Variants in PDE4D observed in about 807,000 individuals in gnomAD.
The protein encoded by PDE4D is 3',5'-cyclic-AMP phosphodiesterase 4D.
Under a neutral mutation model 87.4 loss-of-function variants are expected in PDE4D, and 24 were observed. That is an observed-to-expected ratio of 0.27 (90% CI 0.20 to 0.39). The LOEUF (loss-of-function observed/expected upper bound fraction) is 0.39, where lower values mean the gene tolerates loss of function less well. PDE4D is among the 10% of genes least tolerant of loss of function. The pLI, the probability that PDE4D is intolerant of heterozygous loss-of-function variation, is 1.00. For synonymous variants in PDE4D, 384 were observed against 383.2 expected (o/e 1.00, Z -0.02); for missense variants, 714 against 1,041.0 (o/e 0.69, Z 4.32).
At chr5:59,187,489 C>A (rs28705844) in intron 3 of PDE4D, among the ~76,000 whole-genome samples, 36,919 of 151,986 alleles carry the variant, frequency 0.24, 4,743 homozygotes, top group African/African-American at 0.3. Context: ...ATACTGATAA[C>A]TGTTCTATTT....
chr5:59,960,943 T>C (rs189147723), intron 3 of PDE4D, among the ~76,000 whole-genome samples: 19 of 152,324 alleles, frequency 1.2e-4, no homozygotes, highest in Admixed American at 3.9e-4. Context: ...TAAATTGCAG[T>C]GCTCTAAGTA....
At chr5:60,086,636 A>G (rs188468382) in intron 2 of PDE4D, among the ~76,000 whole-genome samples, 72 of 152,388 alleles carry the variant, frequency 4.7e-4, no homozygotes, top group Middle Eastern at 3.4e-3. Context: ...GTTATAAAGT[A>G]AATGATTTGC....
At chr5:59,511,680 T>C (rs999444254) in intron 1 of PDE4D, among the ~76,000 whole-genome samples, 1 of 152,046 alleles carries the variant, frequency 6.6e-6, no homozygotes, top group Non-Finnish European at 1.5e-5. Flanking sequence ...ATGTTGCTTT[T>C]TTCACTTTGA....
chr5:59,180,292 G>T (rs906918954), intron 5 of PDE4D: 6 of 533,298 alleles, frequency 1.1e-5, no homozygotes, highest in African/African-American at 1.9e-5. Context: ...AATGGGAAGT[G>T]ACTTGAAAGT....
At chr5:59,633,017 A>T (rs1168094890) in intron 1 of PDE4D, among the ~76,000 whole-genome samples, 1 of 152,206 alleles carries the variant, frequency 6.6e-6, no homozygotes, top group African/African-American at 2.4e-5. Context: ...GCTAACTAGA[A>T]TAACCAGTTT....
At chr5:60,114,606 G>C (rs1043010854) in intron 2 of PDE4D, among the ~76,000 whole-genome samples, 1 of 151,998 alleles carries the variant, frequency 6.6e-6, no homozygotes, top group Non-Finnish European at 1.5e-5. Flanking sequence ...ATATACTAAA[G>C]AAAAACCAAA....
chr5:59,805,056 G>A (rs1189067160), intron 1 of PDE4D, among the ~76,000 whole-genome samples: 2 of 152,178 alleles, frequency 1.3e-5, no homozygotes, highest in African/African-American at 4.8e-5. Flanking sequence ...GTCTCCCAAA[G>A]TGCTGAGATT....
chr5:59,141,864 A>G (rs1001745237), intron 5 of PDE4D, among the ~76,000 whole-genome samples: 2 of 152,188 alleles, frequency 1.3e-5, no homozygotes, highest in South Asian at 2.1e-4. Context: ...TCTTGCAGTT[A>G]TAGCTTCAGG....
intron 1 of PDE4D, among the ~76,000 whole-genome samples, chr5:60,342,030 C>T (rs563069804): frequency 3.5e-4 from 54 of 152,282 alleles, no homozygotes; most frequent in South Asian, 2.3e-3. Context: ...ATGTTTGCTT[C>T]CTTGGAACAA....
intron 1 of PDE4D, among the ~76,000 whole-genome samples, chr5:60,330,372 T>G (rs895725479): frequency 6.6e-6 from 1 of 152,050 alleles, no homozygotes; most frequent in Non-Finnish European, 1.5e-5. Flanking sequence ...GCCCAAACAA[T>G]TAAGTGTACA....
intron 2 of PDE4D, among the ~76,000 whole-genome samples, chr5:60,046,949 C>T (rs1327149753): frequency 1.2e-4 from 18 of 152,208 alleles, no homozygotes; most frequent in Admixed American, 5.2e-4. Context: ...ATGGTACCAG[C>T]TCCTCCTTGT....
At chr5:60,266,756 T>C (rs1436883508) in intron 1 of PDE4D, among the ~76,000 whole-genome samples, 2 of 152,246 alleles carry the variant, frequency 1.3e-5, no homozygotes, top group African/African-American at 2.4e-5. Flanking sequence ...ACACCCAAGT[T>C]ATACCCATCT....
intron 1 of PDE4D, among the ~76,000 whole-genome samples, chr5:59,644,762 T>C (rs776551992): frequency 2.0e-5 from 3 of 152,216 alleles, no homozygotes; most frequent in Non-Finnish European, 4.4e-5. Flanking sequence ...TCTCGAGGAC[T>C]ATGCCGAAAA....
Position 59,496,114 on chromosome 5 carries a change from G to A in PDE4D, c.456-280146C>T, listed in dbSNP as rs182106051. 4.4e-3 allele frequency among the ~76,000 whole-genome samples: 667 copies of A among 152,236 alleles called. 3 individuals carry two copies. Among genetic ancestry groups the A allele is most frequent in the African/African-American group, 0.015 (616 of 41,540 alleles). ...TATCAGCAGATGGGGGAGCCAGAAGGGAGATGGTTTCCCCCTGGAGTCCAG... is the reference window on the plus strand; with the variant it reads ...TATCAGCAGATGGGGGAGCCAGAAGAGAGATGGTTTCCCCCTGGAGTCCAG... On this transcript the variant is annotated intron_variant, in intron 1 of 14. Transcript: ENST00000340635.
chr5:59,673,061 C>T (rs1398478771), intron 1 of PDE4D, among the ~76,000 whole-genome samples: 1 of 152,174 alleles, frequency 6.6e-6, no homozygotes, highest in African/African-American at 2.4e-5. Context: ...AATCATACTC[C>T]TATAAAGAAG....
At chr5:59,144,081 G>A (rs552670475) in intron 5 of PDE4D, among the ~76,000 whole-genome samples, 82 of 152,260 alleles carry the variant, frequency 5.4e-4, no homozygotes, top group African/African-American at 1.5e-3. Context: ...AGAAACCATC[G>A]GGGGTTTCTC....
intron 1 of PDE4D, among the ~76,000 whole-genome samples, chr5:59,783,460 C>T (rs1023507098): frequency 6.6e-5 from 10 of 152,208 alleles, no homozygotes; most frequent in African/African-American, 1.7e-4. Flanking sequence ...TCTTCCACTA[C>T]TGTGAGGAAG....
At chr5:59,128,250 G>A (rs941455320) in intron 5 of PDE4D, among the ~76,000 whole-genome samples, 1 of 150,932 alleles carries the variant, frequency 6.6e-6, no homozygotes, top group Admixed American at 6.6e-5. Context: ...CACCCCAGAT[G>A]GCAGCATGCA....
chr5:60,276,968 T>G (rs1208654697), intron 1 of PDE4D, among the ~76,000 whole-genome samples: 1 of 152,032 alleles, frequency 6.6e-6, no homozygotes, highest in Middle Eastern at 3.2e-3. Context: ...CAGCATATAG[T>G]TAGGTCATAT....
Sources: gnomAD v4.1 joint callset for allele counts (sites outside exome capture counted in the v4.1 genomes callset) on GRCh38, gnomAD v4.1.1 for gene constraint, MANE v1.5 for transcripts, NCBI Gene and HGNC (gene_info 2026-07-23, HGNC 2026-07-21) for gene names.